LNX1: variants seen among roughly 807,000 people sequenced by gnomAD.
LNX1 encodes the protein E3 ubiquitin-protein ligase LNX.
LNX1 carries 54 observed loss-of-function variants against 68.4 expected under a neutral mutation model. The observed-to-expected ratio is 0.79, with a 90% CI of 0.63 to 0.99. LNX1 has a LOEUF of 0.99. Among genes scored for constraint, LNX1 ranks in the 50% least tolerant of loss-of-function variants. The pLI is 0.00. For synonymous variants in LNX1, 336 were observed against 350.0 expected, an observed-to-expected ratio of 0.96 and a Z score of 0.45; for missense variants, 906 against 926.4, an observed-to-expected ratio of 0.98 and a Z score of 0.29.
chr4:53,599,541 C>G (rs1248519001), intron 2 of LNX1, among the ~76,000 whole-genome samples: 1 of 152,178 alleles, frequency 6.6e-6, no homozygotes, highest in East Asian at 1.9e-4. Flanking sequence ...CCTCTACTTT[C>G]TTAATAAACT....
intron 2 of LNX1, among the ~76,000 whole-genome samples, chr4:53,555,458 C>T (rs1211236739): frequency 2.0e-5 from 3 of 152,316 alleles, no homozygotes; most frequent in Middle Eastern, 3.4e-3. Context: ...ATCTCTACCT[C>T]CTCTCAACTT....
chr4:53,472,829 T>C (rs1464915938), intron 9 of LNX1, among the ~76,000 whole-genome samples: 25 of 151,532 alleles, frequency 1.6e-4, no homozygotes, highest in Admixed American at 1.6e-3. Flanking sequence ...CTAATGGCAA[T>C]GAGAGAAATG....
chr4:53,635,680 C>T (rs960529190), intron 1 of LNX1, among the ~76,000 whole-genome samples: 2 of 152,050 alleles, frequency 1.3e-5, no homozygotes, highest in African/African-American at 4.8e-5. Context: ...GAAAAACAAG[C>T]CATTTTATAT....
At chr4:53,561,678 G>A (rs989560392) in intron 2 of LNX1, among the ~76,000 whole-genome samples, 15 of 152,204 alleles carry the variant, frequency 9.9e-5, no homozygotes, top group African/African-American at 3.6e-4. Context: ...TGGATGCAAA[G>A]TTAATCCGGA....
intron 2 of LNX1, among the ~76,000 whole-genome samples, chr4:53,534,231 C>T (rs1402921189): frequency 2.0e-5 from 3 of 152,184 alleles, no homozygotes; most frequent in African/African-American, 4.8e-5. Context: ...ATTGCCTTCA[C>T]GGCTTTGTTG....
intron 2 of LNX1, among the ~76,000 whole-genome samples, chr4:53,556,906 A>G (rs1486508681): frequency 6.6e-6 from 1 of 152,182 alleles, no homozygotes; most frequent in Non-Finnish European, 1.5e-5. Context: ...ACTCTATTTA[A>G]AGTCTCTGTT....
chr4:53,644,545 C>T (rs1236528157), intron 1 of LNX1, among the ~76,000 whole-genome samples: 1 of 152,190 alleles, frequency 6.6e-6, no homozygotes, highest in Non-Finnish European at 1.5e-5. Flanking sequence ...AGTTTGCAGT[C>T]CATGATAAGA....
At chr4:53,564,163 G>A (rs1730478383) in intron 2 of LNX1, among the ~76,000 whole-genome samples, 1 of 152,198 alleles carries the variant, frequency 6.6e-6, no homozygotes, top group Non-Finnish European at 1.5e-5. Flanking sequence ...ATTATGAGCT[G>A]AGTGTTCATC....
At chr4:53,543,662 A>G (rs760111338) in intron 2 of LNX1, among the ~76,000 whole-genome samples, 1 of 152,188 alleles carries the variant, frequency 6.6e-6, no homozygotes, top group Non-Finnish European at 1.5e-5. Context: ...TCTGTAAACC[A>G]CTATTTTTAT....
chr4:53,486,195 C>A (rs556796785), intron 6 of LNX1, among the ~76,000 whole-genome samples: 2 of 152,168 alleles, frequency 1.3e-5, no homozygotes, highest in Non-Finnish European at 2.9e-5. Flanking sequence ...TTCCGCCCTG[C>A]GCCAGTTCAC....
chr4:53,484,670 T>C (rs1026892685), intron 6 of LNX1, among the ~76,000 whole-genome samples: 1 of 152,210 alleles, frequency 6.6e-6, no homozygotes, highest in African/African-American at 2.4e-5. Context: ...TGCACTCTTA[T>C]AACACTTCTT....
intron 6 of LNX1, among the ~76,000 whole-genome samples, chr4:53,482,151 T>C (rs1330796855): frequency 1.3e-5 from 2 of 152,216 alleles, no homozygotes; most frequent in African/African-American, 4.8e-5. Flanking sequence ...TTTTAATTAA[T>C]GGTTGTACCA....
intron 2 of LNX1, among the ~76,000 whole-genome samples, chr4:53,607,917 C>A (rs896392792): frequency 1.3e-5 from 2 of 152,050 alleles, no homozygotes; most frequent in Admixed American, 1.3e-4. Flanking sequence ...TAGCCAGATG[C>A]GGAAGATTGA....
intron 2 of LNX1, among the ~76,000 whole-genome samples, chr4:53,508,864 C>T (rs1466458539): frequency 6.6e-6 from 1 of 152,068 alleles, no homozygotes; most frequent in African/African-American, 2.4e-5. Context: ...ATGTTGTCTA[C>T]CATTAAGAGA....
At chr4:53,461,841 A>T (rs1345358735) in intron 9 of LNX1, among the ~76,000 whole-genome samples, 1 of 152,100 alleles carries the variant, frequency 6.6e-6, no homozygotes, top group Non-Finnish European at 1.5e-5. Context: ...GTTCTGTTAC[A>T]CATCTACTGG....
At position 53,476,931 on chromosome 4, in the gene LNX1, T is replaced by G. The variant is rs1027359847; in HGVS notation, c.1714A>C (p.Ser572Arg). 2.6e-5 allele frequency: 42 copies of G among 1,614,074 alleles called. No individual in the cohort carries two copies. Among genetic ancestry groups the G allele is most frequent in the Non-Finnish European group, 3.5e-5 (41 of 1,180,048 alleles). ...DGVELTEVSRSEAVALLKRTS... is the reference protein window; with the variant it reads ...DGVELTEVSRREAVALLKRTS... ...CTTTTCAATAATGCCACTGCCTCAC[T>G]CCGGCTGACCTCTGTCAGTTCGACC... The change falls in exon 9 of 11, where the codon AGT (serine) becomes CGT (arginine). Residue 572 changes from serine to arginine, a missense_variant. Ser to Arg is a moderately radical substitution (Grantham distance 110, BLOSUM62 -1). Transcript: ENST00000263925.
At chr4:53,465,325 C>T (rs759574249) in intron 9 of LNX1, among the ~76,000 whole-genome samples, 17 of 152,202 alleles carry the variant, frequency 1.1e-4, no homozygotes, top group Admixed American at 3.3e-4. Flanking sequence ...ATGAATAGTT[C>T]GTTATGATTA....
chr4:53,514,521 A>G (rs932016774), intron 2 of LNX1, among the ~76,000 whole-genome samples: 4 of 152,066 alleles, frequency 2.6e-5, no homozygotes, highest in African/African-American at 7.2e-5. Flanking sequence ...TTATAAAACC[A>G]TCAGATCTTG....
intron 1 of LNX1, chr4:53,579,307 T>C (rs1481322268): frequency 1.0e-6 from 1 of 979,182 alleles, no homozygotes; most frequent in African/African-American, 1.8e-5. Flanking sequence ...AACCCTGTGG[T>C]GCCTTAGGAA....
Sources: gnomAD v4.1 joint callset for allele counts (sites outside exome capture counted in the v4.1 genomes callset) on GRCh38, gnomAD v4.1.1 for gene constraint, MANE v1.5 for transcripts, NCBI Gene and HGNC (gene_info 2026-07-23, HGNC 2026-07-21) for gene names.